GOLM1: variants seen among roughly 807,000 people sequenced by gnomAD.
GOLM1 encodes the protein epididymis luminal protein 46.
GOLM1 carries 31 observed loss-of-function variants against 50.5 expected under a neutral mutation model. The observed-to-expected ratio is 0.61, with a 90% confidence interval of 0.46 to 0.83. The LOEUF is 0.83. Ranked by LOEUF, GOLM1 falls within the 40% of genes least tolerant of loss-of-function variation. The probability of loss-of-function intolerance (pLI) is 0.00; values close to 1 mark genes in which losing one functional copy is unlikely to be tolerated. For synonymous variants in GOLM1, 178 were observed against 192.8 expected (o/e 0.92, Z 0.64); for missense variants, 491 against 501.3 (o/e 0.98, Z 0.20).
chr9:86,056,695 A>T (rs140454793), intron 3 of GOLM1, among the ~76,000 whole-genome samples: 203 of 151,968 alleles, frequency 1.3e-3, no homozygotes, highest in African/African-American at 4.5e-3. Context: ...TAGTAGAGAC[A>T]GGGTTTCACC....
chr9:86,034,955 A>AC (rs1404768728), intron 8 of GOLM1: 3 of 950,410 alleles, frequency 3.2e-6, no homozygotes, highest in Non-Finnish European at 3.8e-6. Context: ...ACCTTCATCT[A>AC]CCCAATATTC....
At position 86,032,606 on chromosome 9, in the gene GOLM1, C is replaced by T. The variant is rs144505716; in HGVS notation, c.1129+676G>A. Among the ~76,000 whole-genome samples, 249 of 152,230 alleles carry T rather than the reference C, an allele frequency of 1.6e-3. 1 individual carries two copies. Among genetic ancestry groups the T allele is most frequent in the African/African-American group, 3.9e-3 (160 of 41,526 alleles). ...GTGATGGCAGCATGTAAAATGTCAC[C>T]ACTTGGGCAATGTTCATCAATGGAT... On this transcript the variant is annotated intron_variant, in intron 9 of 9. Transcript: ENST00000388712.
chr9:86,053,017 TCCACACAACA>T (rs1833815242), intron 3 of GOLM1, among the ~76,000 whole-genome samples: 1 of 27,294 alleles, frequency 3.7e-5, no homozygotes, highest in African/African-American at 1.4e-4. Flanking sequence ...CACACACCAC[TCCACACAACA>T]CCACGCCATA....
chr9:86,076,421 C>CAAAAAAAAAAAAAAAA (rs58193076), intron 3 of GOLM1, among the ~76,000 whole-genome samples: 1 of 23,334 alleles, frequency 4.3e-5, no homozygotes, highest in African/African-American at 1.2e-4. Context: ...AACCCCATCT[C>CAAAAAAAAAAAAAAAA]AAAAAAAAAA....
chr9:86,052,953 C>A (rs1315842809), intron 3 of GOLM1, among the ~76,000 whole-genome samples: 2 of 79,944 alleles, frequency 2.5e-5, no homozygotes, highest in Non-Finnish European at 5.5e-5. Context: ...CACACCGCAC[C>A]ACACCACACA....
chr9:86,052,524 G>C lies in GOLM1; in HGVS notation c.364+13C>G, dbSNP rs751579609. 5.0e-6 allele frequency: 8 copies of C among 1,612,390 alleles called. No individual in the cohort carries two copies. The East Asian group carries it at 1.6e-4, about 31-fold the overall frequency. ...AGGCCAGTGCCTGGTGTGGAGGAGCGAGCGGAACTTACCTTGCAGCACTCG... is the reference window on the plus strand; with the variant it reads ...AGGCCAGTGCCTGGTGTGGAGGAGCCAGCGGAACTTACCTTGCAGCACTCG... On this transcript the variant is annotated intron_variant, in intron 4 of 9. Transcript: ENST00000388712.
Position 86,035,511 on chromosome 9 carries a change from C to G in GOLM1, c.872G>C (p.Gly291Ala). ...EDRPVGGRGF[G>A]GAGELGQTPQ... The stretch of plus-strand genomic sequence containing the variant: ...GGTCTGGCCCAGTTCTCCGGCTCCC[C>G]CGAAGCCTCTTCCACCTACAGGTCT... Residue 291 changes from glycine to alanine, a missense_variant, in exon 8 of 10, where the codon GGG (glycine) becomes GCG (alanine). Physicochemically the swap from Gly to Ala is moderately conservative, Grantham distance 60. Coordinates refer to ENST00000388712, the MANE Select transcript of GOLM1 (RefSeq NM_016548.4). 4 of 1,612,932 alleles carry G rather than the reference C, an allele frequency of 2.5e-6. No individual in the cohort carries two copies. The highest frequency in any genetic ancestry group is 1.6e-4 in the Middle Eastern group (1 of 6,062).
At chr9:86,035,210 TA>T in intron 8 of GOLM1, 157 bp downstream of exon 8, 1 of 985,370 alleles carries the variant, frequency 1.0e-6, no homozygotes, top group Middle Eastern at 5.2e-4. Context: ...TCCCTCTTGA[TA>T]ACGAATAAGA....
At chr9:86,057,036 T>C (rs1426077567) in intron 3 of GOLM1, among the ~76,000 whole-genome samples, 1 of 152,190 alleles carries the variant, frequency 6.6e-6, no homozygotes, top group Non-Finnish European at 1.5e-5. Flanking sequence ...TTTTCACATT[T>C]TGGTGCAGAG....
chr9:86,085,938 C>T (rs543370515), intron 1 of GOLM1, among the ~76,000 whole-genome samples: 21 of 152,268 alleles, frequency 1.4e-4, no homozygotes, highest in South Asian at 2.1e-4. Flanking sequence ...AATAAACATA[C>T]GTGTGCATGT....
intron 4 of GOLM1, among the ~76,000 whole-genome samples, chr9:86,047,654 G>A (rs545539394): frequency 6.6e-6 from 1 of 152,106 alleles, no homozygotes; most frequent in African/African-American, 2.4e-5. Flanking sequence ...TACCCACGAG[G>A]GGTAAATGTT....
At chr9:86,063,815 C>T (rs7034367) in intron 3 of GOLM1, among the ~76,000 whole-genome samples, 54,503 of 152,050 alleles carry the variant, frequency 0.36, 12,651 homozygotes, top group African/African-American at 0.65. Context: ...CTTTCTAGTG[C>T]GTATGAAGCC....
At chr9:86,089,579 G>C (rs1008939165) in intron 1 of GOLM1, among the ~76,000 whole-genome samples, 3 of 151,986 alleles carry the variant, frequency 2.0e-5, no homozygotes, top group African/African-American at 7.3e-5. Flanking sequence ...GCTTCACGAA[G>C]TTCTCGTGCT....
intron 1 of GOLM1, among the ~76,000 whole-genome samples, chr9:86,097,907 T>C (rs921740294): frequency 6.6e-6 from 1 of 152,188 alleles, no homozygotes; most frequent in Non-Finnish European, 1.5e-5. Context: ...GCGGGTGGAA[T>C]GTAAATGCAA....
chr9:86,036,500 G>T lies in GOLM1; in HGVS notation c.605C>A (p.Ala202Asp). Residue 202 changes from alanine to aspartate, a missense_variant, in exon 7 of 10, where the codon GCC becomes GAC. Ala to Asp is a moderately radical substitution (Grantham distance 126). Coordinates refer to ENST00000388712, the MANE Select transcript of GOLM1 (RefSeq NM_016548.4). Reference sequence around the variant, plus strand: ...CAGCCTGGGCTGAGGCTCACTGAGGGCTTGGAGCTGAAACAGAAGCACAGG... The same window carrying T: ...CAGCCTGGGCTGAGGCTCACTGAGGTCTTGGAGCTGAAACAGAAGCACAGG... The part of the protein sequence containing the change: ...ENNDQRQQLQ[A>D]LSEPQPRLQA... The T allele has an allele frequency of 6.2e-7, 1 of 1,614,052 alleles. No individual in the cohort carries two copies. Among genetic ancestry groups the T allele is most frequent in the Non-Finnish European group, 8.5e-7 (1 of 1,179,986 alleles).
intron 3 of GOLM1, among the ~76,000 whole-genome samples, chr9:86,053,816 A>G (rs914236800): frequency 3.8e-5 from 5 of 130,336 alleles, no homozygotes; most frequent in Non-Finnish European, 6.7e-5. Context: ...TACACCACAC[A>G]TCACACACCA....
At chr9:86,052,346 A>G (rs941395894) in intron 4 of GOLM1, among the ~76,000 whole-genome samples, 191 bp downstream of exon 4, 2 of 152,182 alleles carry the variant, frequency 1.3e-5, no homozygotes, top group African/African-American at 4.8e-5. Flanking sequence ...GTATTTGGCA[A>G]TATTTTTTTT....
At chr9:86,052,974 C>T (rs947108789) in intron 3 of GOLM1, among the ~76,000 whole-genome samples, 6 of 151,448 alleles carry the variant, frequency 4.0e-5, no homozygotes, top group Admixed American at 3.9e-4. Context: ...GCACTCCACA[C>T]CAAACCACAC....
chr9:86,042,031 G>C (rs568035105), intron 5 of GOLM1, among the ~76,000 whole-genome samples: 3 of 152,108 alleles, frequency 2.0e-5, no homozygotes, highest in African/African-American at 7.2e-5. Context: ...GCAGGAGAAT[G>C]GCGTGAACCC....
Sources: gnomAD v4.1 joint callset for allele counts (sites outside exome capture counted in the v4.1 genomes callset) on GRCh38, gnomAD v4.1.1 for gene constraint, MANE v1.5 for transcripts, NCBI Gene and HGNC (gene_info 2026-07-23, HGNC 2026-07-21) for gene names.